Variants in USH2A observed in about 807,000 individuals in gnomAD.
USH2A encodes the protein usherin.
USH2A carries 443 observed loss-of-function variants against 538.9 expected under a neutral mutation model. The observed-to-expected ratio is 0.82, with a 90% CI of 0.76 to 0.89. The LOEUF is 0.89. Among genes scored for constraint, USH2A ranks in the 40% least tolerant of loss-of-function variants. The pLI is 0.00. For synonymous variants in USH2A, 2,413 were observed against 2,273.5 expected, an observed-to-expected ratio of 1.06 and a Z score of -1.75; for missense variants, 6,633 against 6,324.8, an observed-to-expected ratio of 1.05 and a Z score of -1.65.
intron 9 of USH2A, among the ~76,000 whole-genome samples, chr1:216,319,954 A>C (rs887258373): frequency 6.6e-6 from 1 of 152,184 alleles, no homozygotes; most frequent in African/African-American, 2.4e-5. Context: ...CAAGAGGCAG[A>C]GATGTTCACA....
At chr1:216,400,612 C>G (rs1452008462) in intron 3 of USH2A, among the ~76,000 whole-genome samples, 1 of 151,968 alleles carries the variant, frequency 6.6e-6, no homozygotes, top group Non-Finnish European at 1.5e-5. Context: ...TAGGATAAAA[C>G]CAAGGAAACT....
Position 215,906,805 on chromosome 1 carries a change from G to T in USH2A, c.7301-5900C>A, listed in dbSNP as rs367582765. Among the ~76,000 whole-genome samples, 3 of 151,976 alleles carry T rather than the reference G, an allele frequency of 2.0e-5. No individual in the cohort carries two copies. The South Asian group carries it at 6.2e-4, about 32-fold the overall frequency. On this transcript the variant is annotated intron_variant, in intron 38 of 71. Transcript: ENST00000307340. ...AAAATGGAGAAGTCTTCATGTTAGC[G>T]AGAGAAAGAGTATATTTTAAAAATT...
intron 21 of USH2A, among the ~76,000 whole-genome samples, chr1:216,137,001 C>T (rs1384464747): frequency 6.6e-6 from 1 of 152,136 alleles, no homozygotes; most frequent in African/African-American, 2.4e-5. Flanking sequence ...GAGAAATGAT[C>T]ATAAATTTGT....
At chr1:216,279,288 G>C (rs533262364) in intron 11 of USH2A, among the ~76,000 whole-genome samples, 1 of 151,890 alleles carries the variant, frequency 6.6e-6, no homozygotes, top group Non-Finnish European at 1.5e-5. Context: ...TAATTTTAAA[G>C]GTAGAGCCCA....
At chr1:215,849,699 T>C (rs1415278989) in intron 44 of USH2A, among the ~76,000 whole-genome samples, 1 of 152,134 alleles carries the variant, frequency 6.6e-6, no homozygotes, top group Non-Finnish European at 1.5e-5. Flanking sequence ...TGAAACATTT[T>C]AAAGGTAAAC....
intron 14 of USH2A, among the ~76,000 whole-genome samples, chr1:216,218,276 C>T (rs904665895): frequency 2.0e-5 from 3 of 151,988 alleles, no homozygotes; most frequent in African/African-American, 7.2e-5. Context: ...GTAAAAATAC[C>T]AGTAGTGGCA....
rs111033435 is a variant in USH2A, at chr1:215,628,905, C to G, written c.15428G>C (p.Arg5143Pro). ...SLTYSQGSLH[R>P]SVSQLMDIQD... ...AATGTCCATGAGCTGGCTGACGCTG[C>G]GGTGAAGAGAACCCTGGGAGTAGGT... is the stretch of plus-strand genomic sequence containing the variant. The change falls in exon 71 of 72, where the codon CGC (arginine) becomes CCC (proline). Residue 5143 changes from arginine to proline, a missense_variant. Transcript: ENST00000307340. The G allele has an allele frequency of 3.1e-6, 5 of 1,613,986 alleles. No individual in the cohort carries two copies. The highest frequency in any genetic ancestry group is 4.2e-6 in the Non-Finnish European group (5 of 1,180,030).
chr1:216,048,552 T>C lies in USH2A; in HGVS notation c.6145A>G (p.Ile2049Val). 3 of 1,614,096 alleles carry C rather than the reference T, an allele frequency of 1.9e-6. No homozygotes were observed. The highest frequency in any genetic ancestry group is 2.5e-6 in the Non-Finnish European group (3 of 1,179,926). The change falls in exon 31 of 72, where the codon ATC becomes GTC. Residue 2049 changes from isoleucine to valine, a missense_variant. Coordinates refer to ENST00000307340, the MANE Select transcript of USH2A (RefSeq NM_206933.4). The stretch of plus-strand genomic sequence containing the variant: ...ACTTTACCTTCTTGTGGAGTAGAGA[T>C]GTTCAATGCATGTGAGCTCTCAGTA... ...GCTESSHALN[I>V]STPQEAPQEV...
intron 21 of USH2A, among the ~76,000 whole-genome samples, chr1:216,149,724 G>A (rs2033794490): frequency 6.6e-6 from 1 of 152,086 alleles, no homozygotes; most frequent in African/African-American, 2.4e-5. Flanking sequence ...GCCTACTCCA[G>A]ATCCCCAGCC....
chr1:216,318,824 AG>A (rs1442940532), intron 9 of USH2A, among the ~76,000 whole-genome samples: 1 of 152,220 alleles, frequency 6.6e-6, no homozygotes, highest in Non-Finnish European at 1.5e-5. Flanking sequence ...CCTGAGACCA[AG>A]TCTGAAAATC....
rs886998053 is a variant in USH2A, at chr1:215,622,896, T to G, written c.*2885A>C. ...AATAGATGATTAAGCCAGAATTAGG[T>G]CACATTCAAATATTTATTAAGCAAA... On this transcript the variant is annotated 3_prime_UTR_variant, in exon 72 of 72. Coordinates refer to ENST00000307340, the MANE Select transcript of USH2A (RefSeq NM_206933.4). The G allele has an allele frequency of 1.3e-5, 2 of 152,132 alleles. No homozygotes were observed. Among genetic ancestry groups the G allele is most frequent in the Non-Finnish European group, 2.9e-5 (2 of 68,008 alleles). The allele number at this position is 152,132 out of a possible 1,614,324, so 9.4% of individuals were successfully genotyped here.
intron 61 of USH2A, among the ~76,000 whole-genome samples, chr1:215,687,927 T>C (rs1291164321): frequency 1.3e-5 from 2 of 152,086 alleles, no homozygotes; most frequent in Non-Finnish European, 2.9e-5. Context: ...TCCCGAATTT[T>C]ACATTATAAA....
Position 215,813,579 on chromosome 1 carries a change from G to A in USH2A, c.9739+157C>T, listed in dbSNP as rs144545837. 1.1e-4 allele frequency: 93 copies of A among 859,334 alleles called. No homozygotes were observed. The Admixed American group carries it at 1.6e-3, about 15-fold the overall frequency. The allele number at this position is 859,334 out of a possible 1,614,324, so 53.2% of individuals were successfully genotyped here. ...GCCTTGCTTATATTTTAACAAAGCA[G>A]AAGGAAGAAACAATATTTAGAGCAG... On this transcript the variant is annotated intron_variant, in intron 49 of 71. Transcript: ENST00000307340.
chr1:215,985,450 T>C (rs1667849861), intron 35 of USH2A, among the ~76,000 whole-genome samples: 1 of 152,180 alleles, frequency 6.6e-6, no homozygotes, highest in Admixed American at 6.5e-5. Flanking sequence ...TTGCTTTGAT[T>C]TATACAATCT....
chr1:216,208,038 C>T (rs1014232215), intron 15 of USH2A, among the ~76,000 whole-genome samples: 10 of 152,064 alleles, frequency 6.6e-5, no homozygotes, highest in African/African-American at 2.2e-4. Flanking sequence ...AATACAATTG[C>T]TTATCAGGCA....
rs760159684 is a variant in USH2A at position 216,078,225 on chromosome 1, T to C, written c.5436A>G (p.Ile1812Met). 3.7e-6 allele frequency: 6 copies of C among 1,613,902 alleles called. No homozygotes were observed. The highest frequency in any genetic ancestry group is 5.1e-6 in the Non-Finnish European group (6 of 1,179,828). Residue 1812 changes from isoleucine to methionine, a missense_variant, in exon 27 of 72, where the codon ATA (isoleucine) becomes ATG (methionine). Coordinates refer to ENST00000307340, the MANE Select transcript of USH2A (RefSeq NM_206933.4). ...KVIIKKEGSFISASVNGLMKH... is the reference protein window; with the variant it reads ...KVIIKKEGSFMSASVNGLMKH... Reference sequence around the variant, plus strand: ...TCATCAGTCCATTCACACTTGCTGATATGAAAGAGCCTTCCTTTTTAATAA... The same window carrying C: ...TCATCAGTCCATTCACACTTGCTGACATGAAAGAGCCTTCCTTTTTAATAA...
intron 13 of USH2A, among the ~76,000 whole-genome samples, chr1:216,236,333 T>C (rs2035815648): frequency 1.3e-5 from 2 of 152,150 alleles, no homozygotes; most frequent in South Asian, 2.1e-4. Flanking sequence ...ATTAATCATT[T>C]CCTTCACTTT....
Position 216,247,206 on chromosome 1 carries a change from T to C in USH2A, c.2188A>G (p.Asn730Asp). Residue 730 changes from asparagine to aspartate, a missense_variant, in exon 13 of 72, where the codon AAT becomes GAT. Physicochemically the swap from Asn to Asp is conservative, Grantham distance 23. Coordinates refer to ENST00000307340, the MANE Select transcript of USH2A (RefSeq NM_206933.4). ...CTTCGGAGAAATTTAAATCCAAAAT[T>C]GCAATGATCACACCTAAGCCCTAAA... The part of the protein sequence containing the change: ...NVIGLRCDHC[N>D]FGFKFLRSFN... The C allele has an allele frequency of 6.2e-7, 1 of 1,613,790 alleles. No homozygotes were observed.
At chr1:215,732,066 T>C (rs1660009890) in intron 60 of USH2A, among the ~76,000 whole-genome samples, 1 of 152,174 alleles carries the variant, frequency 6.6e-6, no homozygotes, top group Admixed American at 6.5e-5. Context: ...TAATGCATGA[T>C]CTGAATGAAG....
Sources: gnomAD v4.1 joint callset for allele counts (sites outside exome capture counted in the v4.1 genomes callset) on GRCh38, gnomAD v4.1.1 for gene constraint, MANE v1.5 for transcripts, NCBI Gene and HGNC (gene_info 2026-07-23, HGNC 2026-07-21) for gene names.